MRTFA: variants seen among roughly 807,000 people sequenced by gnomAD.
MRTFA encodes the protein myocardin-related transcription factor A.
In MRTFA, 20 loss-of-function variants were observed where a neutral mutation model predicts 83.5. The observed-to-expected ratio is 0.24, with a 90% CI of 0.17 to 0.35. The LOEUF (loss-of-function observed/expected upper bound fraction) is 0.35, where lower values mean the gene tolerates loss of function less well. Ranked by LOEUF, MRTFA falls within the 10% of genes least tolerant of loss-of-function variation. The probability of loss-of-function intolerance (pLI) is 1.00; values close to 1 mark genes in which losing one functional copy is unlikely to be tolerated. For synonymous variants in MRTFA, 659 were observed against 541.2 expected (o/e 1.22, Z -3.02); for missense variants, 1,200 against 1,224.7 (o/e 0.98, Z 0.30).
intron 4 of MRTFA, among the ~76,000 whole-genome samples, chr22:40,455,263 T>A (rs986973729): frequency 6.6e-6 from 1 of 152,232 alleles, no homozygotes; most frequent in Non-Finnish European, 1.5e-5. Flanking sequence ...TAATGGTTAG[T>A]CTTATAGAAA....
chr22:40,458,180 G>A (rs1176087387), intron 4 of MRTFA, among the ~76,000 whole-genome samples: 1 of 152,134 alleles, frequency 6.6e-6, no homozygotes, highest in Non-Finnish European at 1.5e-5. Context: ...ATATGTGCGA[G>A]ACATCATTAG....
chr22:40,418,863 C>T lies in MRTFA; in HGVS notation c.1875G>A (p.Gln625=), dbSNP rs1296348941. Residue 625 remains glutamine (Q), a synonymous_variant, in exon 12 of 15, where the codon CAG becomes CAA. Transcript: ENST00000355630. ...TCTGCTTGTCTTTCTCCTGCAGCAT[C>T]TGGTCCTTGTCGCGCCCCTCTAGCT... The T allele has an allele frequency of 2.5e-6, 4 of 1,612,514 alleles. No homozygotes were observed. In the South Asian group the frequency reaches 3.3e-5, roughly 13 times the overall value.
chr22:40,621,799 T>C (rs778874441), intron 1 of MRTFA, among the ~76,000 whole-genome samples: 7 of 152,212 alleles, frequency 4.6e-5, no homozygotes, highest in Non-Finnish European at 7.3e-5. Context: ...TTTTCCCTGC[T>C]GGATTTTGAA....
intron 2 of MRTFA, among the ~76,000 whole-genome samples, chr22:40,557,526 T>C (rs1441574995): frequency 6.6e-6 from 1 of 152,078 alleles, no homozygotes; most frequent in Non-Finnish European, 1.5e-5. Context: ...ATCCTAGCAC[T>C]CTGGGAAGCT....
rs1188052407 is a variant in MRTFA, at chr22:40,441,818, G to GTA, written c.308-6266_308-6265dup. On this transcript the variant is annotated intron_variant, in intron 4 of 14. Transcript: ENST00000355630. ...AAAAAATATATACATGTATGTATGT[G>GTA]TATATATATATATACACACACACAC... 7.4e-4 allele frequency among the ~76,000 whole-genome samples: 102 copies of GTA among 138,128 alleles called. No homozygotes were observed. In the East Asian group the frequency reaches 0.016, roughly 22 times the overall value. 90.6% of individuals were successfully genotyped at this position (138,128 alleles called of 152,430 possible). A position where few individuals can be genotyped will look rare whatever the true frequency, so the allele number is the denominator to read the frequency against.
At chr22:40,467,682 A>T (rs1361886695) in intron 3 of MRTFA, among the ~76,000 whole-genome samples, 1 of 152,044 alleles carries the variant, frequency 6.6e-6, no homozygotes, top group East Asian at 1.9e-4. Context: ...TTTCACAGAC[A>T]GTATAAGCCT....
chr22:40,515,508 T>C (rs192210369), intron 3 of MRTFA, among the ~76,000 whole-genome samples: 84 of 151,670 alleles, frequency 5.5e-4, no homozygotes, highest in South Asian at 5.0e-3. Flanking sequence ...AGCCTGGCAA[T>C]AGAGCAAAAC....
At chr22:40,555,251 AATG>A (rs751641702) in intron 2 of MRTFA, among the ~76,000 whole-genome samples, 3 of 152,352 alleles carry the variant, frequency 2.0e-5, no homozygotes, top group South Asian at 2.1e-4. Flanking sequence ...CTAGCGGCAG[AATG>A]ATATGACTCT....
rs1044471717 is a variant in MRTFA, at chr22:40,416,254, C to T, written c.2578+732G>A. 6.6e-6 allele frequency among the ~76,000 whole-genome samples: 1 copy of T among 152,228 alleles called. No individual in the cohort carries two copies. Among genetic ancestry groups the T allele is most frequent in the Admixed American group, 6.5e-5 (1 of 15,282 alleles). ...TCCATAAAGACACCAACCTGGCTCT[C>T]TCCAAATGGGGCTGATTCCAGCCGC... On this transcript the variant is annotated intron_variant, in intron 14 of 14. Coordinates refer to ENST00000355630, the MANE Select transcript of MRTFA (RefSeq NM_020831.6). The surrounding 1 kb of genome is among the most constrained non-coding windows in gnomAD (Gnocchi z 4.2).
At chr22:40,414,115 G>C (rs553926464) in intron 14 of MRTFA, among the ~76,000 whole-genome samples, 40 of 152,308 alleles carry the variant, frequency 2.6e-4, no homozygotes, top group African/African-American at 9.1e-4. Context: ...GAGGCGGGCA[G>C]ACTGCCTGAG....
At chr22:40,506,703 C>G (rs2054585950) in intron 3 of MRTFA, among the ~76,000 whole-genome samples, 2 of 152,182 alleles carry the variant, frequency 1.3e-5, no homozygotes, top group Non-Finnish European at 2.9e-5. Context: ...CTCATTCTGA[C>G]TGCTGCATTT....
intron 2 of MRTFA, among the ~76,000 whole-genome samples, chr22:40,557,203 G>A (rs2055537929): frequency 1.3e-5 from 2 of 152,176 alleles, no homozygotes; most frequent in Admixed American, 6.5e-5. Flanking sequence ...CGACAGACAT[G>A]TCTTGGGGAA....
chr22:40,425,698 T>A (rs980970110), intron 7 of MRTFA, among the ~76,000 whole-genome samples: 1 of 152,182 alleles, frequency 6.6e-6, no homozygotes, highest in Non-Finnish European at 1.5e-5. Flanking sequence ...CACGGCTAGA[T>A]TTCCCCCACA....
chr22:40,582,208 T>C (rs2055957454), intron 2 of MRTFA, among the ~76,000 whole-genome samples: 1 of 152,228 alleles, frequency 6.6e-6, no homozygotes, highest in Non-Finnish European at 1.5e-5. Context: ...CTTAGCATAA[T>C]GTTTTCAAGG....
intron 2 of MRTFA, among the ~76,000 whole-genome samples, chr22:40,561,835 GAC>G (rs1260223584): frequency 2.6e-5 from 4 of 152,132 alleles, no homozygotes; most frequent in Admixed American, 1.3e-4. Flanking sequence ...CCTCTGCCTT[GAC>G]CAATCGAGAA....
intron 3 of MRTFA, among the ~76,000 whole-genome samples, chr22:40,480,778 CTTGCTCTGTCACCAGG>C (rs2054076516): frequency 9.2e-6 from 1 of 109,150 alleles, no homozygotes; most frequent in African/African-American, 3.7e-5. Flanking sequence ...GAGACAGAAT[CTTGCTCTGTCACCAGG>C]CTGGAGTGCA....
chr22:40,630,481 A>G (rs573920210), intron 1 of MRTFA, among the ~76,000 whole-genome samples: 6 of 152,258 alleles, frequency 3.9e-5, no homozygotes, highest in African/African-American at 1.4e-4. Flanking sequence ...AAAATCAGAG[A>G]TTTCAGACTT....
At chr22:40,477,675 C>T (rs1416687182) in intron 3 of MRTFA, among the ~76,000 whole-genome samples, 1 of 151,944 alleles carries the variant, frequency 6.6e-6, no homozygotes, top group Non-Finnish European at 1.5e-5. Flanking sequence ...TACCACACCT[C>T]CAACAAGATA....
intron 3 of MRTFA, among the ~76,000 whole-genome samples, chr22:40,469,090 T>G (rs2053858162): frequency 6.6e-6 from 1 of 152,184 alleles, no homozygotes; most frequent in South Asian, 2.1e-4. Context: ...GAATAAGGAG[T>G]ATTTGAGTTT....
Sources: gnomAD v4.1 joint callset for allele counts (sites outside exome capture counted in the v4.1 genomes callset) on GRCh38, gnomAD v4.1.1 for gene constraint, Gnocchi (gnomAD v3.1) non-coding constraint, MANE v1.5 for transcripts, NCBI Gene and HGNC (gene_info 2026-07-23, HGNC 2026-07-21) for gene names.